Variants in IL1RAPL2 observed in about 807,000 individuals in gnomAD.
IL1RAPL2 encodes interleukin 1 receptor accessory protein like 2, also known as X-linked interleukin-1 receptor accessory protein-like 2.
Under a neutral mutation model 44.1 loss-of-function variants are expected in IL1RAPL2, and 3 were observed. The ratio of observed to expected loss-of-function variants is 0.07; its 90% CI spans 0.03 to 0.18. The LOEUF (loss-of-function observed/expected upper bound fraction) is 0.18. Among genes scored for constraint, IL1RAPL2 ranks in the 10% least tolerant of loss-of-function variants. The pLI, the probability that IL1RAPL2 is intolerant of heterozygous loss-of-function variation, is 1.00. For missense variants in IL1RAPL2, 391 were observed against 496.4 expected (o/e 0.79, Z 2.02); for synonymous variants, 181 against 178.8 (o/e 1.01, Z -0.10).
chrX:105,459,248 G>A (rs779085789), intron 5 of IL1RAPL2, among the ~76,000 whole-genome samples: 1 of 110,865 alleles, frequency 9.0e-6, no homozygotes, highest in African/African-American at 3.3e-5. Context: ...ATGTGTGTTT[G>A]TGTGCATGTG....
At chrX:104,808,160 G>GA (rs983715032) in intron 2 of IL1RAPL2, among the ~76,000 whole-genome samples, 2 of 112,054 alleles carry the variant, frequency 1.8e-5, no homozygotes, top group Non-Finnish European at 3.8e-5. Context: ...TACTTATTAG[G>GA]AAAAATCATT....
At chrX:104,798,397 G>A (rs1012379323) in intron 2 of IL1RAPL2, among the ~76,000 whole-genome samples, 1 of 110,510 alleles carries the variant, frequency 9.0e-6, no homozygotes, top group African/African-American at 3.3e-5. Context: ...TGTGGCTCAT[G>A]CCTGTAATCC....
intron 6 of IL1RAPL2, among the ~76,000 whole-genome samples, chrX:105,582,076 A>G (rs749921759): frequency 9.0e-6 from 1 of 111,233 alleles, no homozygotes; most frequent in East Asian, 2.8e-4. Flanking sequence ...TGCAAATTTT[A>G]CGCCAGCTTC....
chrX:105,219,974 CTT>C (rs782139873), intron 3 of IL1RAPL2: 1 of 1,200,195 alleles, frequency 8.3e-7, no homozygotes. Context: ...TTGTCTCTCT[CTT>C]TCTGCACCTC....
At chrX:105,077,449 A>C (rs183129531) in intron 2 of IL1RAPL2, among the ~76,000 whole-genome samples, 9 of 111,623 alleles carry the variant, frequency 8.1e-5, no homozygotes, top group South Asian at 3.8e-4. Flanking sequence ...GTGGGTAACC[A>C]GACCTTTCTC....
intron 5 of IL1RAPL2, among the ~76,000 whole-genome samples, chrX:105,475,872 A>G (rs952704478): frequency 8.9e-6 from 1 of 112,254 alleles, no homozygotes; most frequent in Admixed American, 9.4e-5. Flanking sequence ...CCTGCCTTAT[A>G]CTTAAGCTTT....
chrX:105,357,375 C>G, intron 5 of IL1RAPL2, among the ~76,000 whole-genome samples: 1 of 111,491 alleles, frequency 9.0e-6, no homozygotes, highest in Middle Eastern at 4.8e-3. Flanking sequence ...TAATTGTTAT[C>G]TAAAAGTATT....
intron 1 of IL1RAPL2, among the ~76,000 whole-genome samples, chrX:104,653,436 C>G (rs907655020): frequency 5.4e-5 from 6 of 111,418 alleles, no homozygotes; most frequent in African/African-American, 2.0e-4. Flanking sequence ...GTTCTTTATC[C>G]TAGCTCCAGT....
chrX:105,022,276 A>G (rs1471983037), intron 2 of IL1RAPL2, among the ~76,000 whole-genome samples: 3 of 111,027 alleles, frequency 2.7e-5, no homozygotes, highest in Non-Finnish European at 5.7e-5. Context: ...TAGAAGGATG[A>G]GGGGATGTAA....
At chrX:105,091,896 C>A (rs1247905419) in intron 2 of IL1RAPL2, among the ~76,000 whole-genome samples, 1 of 111,306 alleles carries the variant, frequency 9.0e-6, no homozygotes, top group East Asian at 2.8e-4. Flanking sequence ...ATTTTCTCAT[C>A]CATAATGGAG....
rs1213321514 is a variant in IL1RAPL2, at chrX:105,591,966, CTT to C, written c.772+107581_772+107582del. On this transcript the variant is annotated intron_variant, in intron 6 of 10. Coordinates refer to ENST00000372582, the MANE Select transcript of IL1RAPL2 (RefSeq NM_017416.2). ...AGGGTCGAGTTCAGGTACCAAATAT[CTT>C]TGTTAGTTTTCTGCCTTGATGATCT... 9.0e-5 allele frequency among the ~76,000 whole-genome samples: 10 copies of C among 110,960 alleles called. No individual in the cohort carries two copies. In the East Asian group the frequency reaches 2.6e-3, roughly 28 times the overall value.
intron 2 of IL1RAPL2, among the ~76,000 whole-genome samples, chrX:105,179,192 G>T (rs1331094145): frequency 8.9e-6 from 1 of 111,826 alleles, no homozygotes; most frequent in Non-Finnish European, 1.9e-5. Context: ...TAGGAATTCA[G>T]TTTTATTCTG....
At chrX:105,186,548 G>T (rs2147608019) in intron 2 of IL1RAPL2, among the ~76,000 whole-genome samples, 1 of 111,740 alleles carries the variant, frequency 8.9e-6, no homozygotes, top group East Asian at 2.8e-4. Context: ...GTTTCTCTTG[G>T]AGAGTGGTAG....
intron 2 of IL1RAPL2, among the ~76,000 whole-genome samples, chrX:105,008,458 A>AT (rs1466781483): frequency 1.8e-5 from 2 of 111,266 alleles, no homozygotes; most frequent in African/African-American, 6.5e-5. Flanking sequence ...ACCATAGGCT[A>AT]TTTTTCAATG....
intron 5 of IL1RAPL2, among the ~76,000 whole-genome samples, chrX:105,450,989 T>G (rs1327871615): frequency 9.2e-6 from 1 of 108,145 alleles, no homozygotes; most frequent in Non-Finnish European, 1.9e-5. Flanking sequence ...GATATGAGGG[T>G]TTTTTCCCCC....
intron 6 of IL1RAPL2, among the ~76,000 whole-genome samples, chrX:105,528,651 T>G (rs2036610314): frequency 9.0e-6 from 1 of 111,325 alleles, no homozygotes; most frequent in Non-Finnish European, 1.9e-5. Flanking sequence ...ATGTCTGTAT[T>G]TTTTTCTAAA....
chrX:105,622,540 G>GAA (rs2037427317), intron 6 of IL1RAPL2, among the ~76,000 whole-genome samples: 4 of 110,472 alleles, frequency 3.6e-5, no homozygotes, highest in Non-Finnish European at 7.6e-5. Context: ...AGAGTACATA[G>GAA]GATTCTTTGA....
intron 2 of IL1RAPL2, among the ~76,000 whole-genome samples, chrX:104,867,677 G>T (rs139433489): frequency 2.1e-3 from 234 of 111,692 alleles, no homozygotes; most frequent in African/African-American, 7.3e-3. Flanking sequence ...GAAATGGGGA[G>T]CCATGGGAGG....
chrX:105,330,682 T>C (rs1257877803), intron 5 of IL1RAPL2, among the ~76,000 whole-genome samples: 1 of 111,766 alleles, frequency 8.9e-6, no homozygotes, highest in Admixed American at 9.5e-5. Flanking sequence ...AATCCTTCTT[T>C]CACGTCTTCA....
Sources: gnomAD v4.1 joint callset for allele counts (sites outside exome capture counted in the v4.1 genomes callset) on GRCh38, gnomAD v4.1.1 for gene constraint, MANE v1.5 for transcripts, NCBI Gene and HGNC (gene_info 2026-07-23, HGNC 2026-07-21) for gene names.